Variants in PTPRT observed in about 807,000 individuals in gnomAD.
PTPRT encodes protein tyrosine phosphatase receptor type T.
A neutral mutation model predicts 176.8 loss-of-function variants in PTPRT; 56 were observed. That is an observed-to-expected ratio of 0.32 (90% CI 0.26 to 0.40). The LOEUF (loss-of-function observed/expected upper bound fraction) is 0.40, where lower values mean the gene tolerates loss of function less well. Ranked by LOEUF, PTPRT falls within the 10% of genes least tolerant of loss-of-function variation. PTPRT has a pLI of 1.00. For synonymous variants in PTPRT, 783 were observed against 739.0 expected (o/e 1.06, Z -0.96); for missense variants, 1,540 against 1,908.2 (o/e 0.81, Z 3.60).
At chr20:42,803,998 G>C (rs929606638) in intron 2 of PTPRT, among the ~76,000 whole-genome samples, 3 of 152,114 alleles carry the variant, frequency 2.0e-5, no homozygotes, top group African/African-American at 4.8e-5. Context: ...TAGTTGCCCT[G>C]GTGTGCCAGG....
At chr20:42,190,135 AT>A (rs11478046) in intron 16 of PTPRT, among the ~76,000 whole-genome samples, 32,943 of 152,140 alleles carry the variant, frequency 0.22, 4,061 homozygotes, top group African/African-American at 0.31. Flanking sequence ...GTAACATTCA[AT>A]TCTTCTCCCA....
intron 9 of PTPRT, among the ~76,000 whole-genome samples, chr20:42,410,361 A>G (rs1295993310): frequency 2.0e-5 from 3 of 152,180 alleles, no homozygotes; most frequent in Non-Finnish European, 4.4e-5. Flanking sequence ...TAGAAATATA[A>G]AAATATGTAC....
At chr20:42,648,820 G>GTTTTTTTTTTTGTTTTTTTTTTTTTT (rs746084382) in intron 7 of PTPRT, among the ~76,000 whole-genome samples, 3 of 111,830 alleles carry the variant, frequency 2.7e-5, no homozygotes, top group African/African-American at 1.1e-4. Context: ...TGGTGTCGTT[G>GTTTTTTTTTTTGTTTTTTTTTTTTTT]TTTTTTTTTT....
chr20:42,986,638 C>A (rs975813759), intron 1 of PTPRT, among the ~76,000 whole-genome samples: 1 of 152,108 alleles, frequency 6.6e-6, no homozygotes, highest in Admixed American at 6.5e-5. Context: ...ACAAAGAAAG[C>A]GACAGTAGAT....
chr20:42,916,325 T>C (rs1233700060), intron 1 of PTPRT, among the ~76,000 whole-genome samples: 3 of 152,172 alleles, frequency 2.0e-5, no homozygotes, highest in Non-Finnish European at 4.4e-5. Flanking sequence ...TAGTATTCCA[T>C]GGTGTATATG....
At chr20:42,966,519 T>TTTG (rs1982302975) in intron 1 of PTPRT, 1 of 152,162 alleles carries the variant, frequency 6.6e-6, no homozygotes, top group African/African-American at 2.4e-5. Flanking sequence ...AGCAGGCCTG[T>TTTG]GTCTGTTTGG....
chr20:42,285,696 G>A (rs1878922250), intron 12 of PTPRT, among the ~76,000 whole-genome samples: 1 of 151,596 alleles, frequency 6.6e-6, no homozygotes, highest in South Asian at 2.1e-4. Context: ...GAGCAACTGG[G>A]CAAGAGAAAA....
intron 1 of PTPRT, among the ~76,000 whole-genome samples, chr20:43,008,027 G>C (rs1414911017): frequency 5.3e-5 from 8 of 152,202 alleles, no homozygotes. Flanking sequence ...TCCTGAGGCA[G>C]AATGCTGCAG....
intron 7 of PTPRT, among the ~76,000 whole-genome samples, chr20:42,513,368 G>GA (rs2071996545): frequency 6.6e-6 from 1 of 151,872 alleles, no homozygotes; most frequent in South Asian, 2.1e-4. Flanking sequence ...TTATTCTGTT[G>GA]AAAAAATTCT....
chr20:42,711,561 C>T (rs61397458), intron 6 of PTPRT, among the ~76,000 whole-genome samples: 1 of 152,146 alleles, frequency 6.6e-6, no homozygotes, highest in Non-Finnish European at 1.5e-5. Flanking sequence ...GAAGCAAATG[C>T]TGGCACTATG....
chr20:42,333,523 G>A (rs2057997056), intron 11 of PTPRT, among the ~76,000 whole-genome samples: 1 of 152,096 alleles, frequency 6.6e-6, no homozygotes, highest in African/African-American at 2.4e-5. Context: ...TAGTGGAGAC[G>A]GGGTTTCACC....
intron 12 of PTPRT, among the ~76,000 whole-genome samples, chr20:42,308,594 G>A (rs2057580992): frequency 1.3e-5 from 2 of 152,164 alleles, no homozygotes; most frequent in African/African-American, 2.4e-5. Context: ...AATGCGATAA[G>A]ATACTTTAAT....
chr20:42,140,238 CT>C (rs894268918), intron 18 of PTPRT, among the ~76,000 whole-genome samples: 1 of 145,954 alleles, frequency 6.9e-6, no homozygotes, highest in Non-Finnish European at 1.5e-5. Context: ...TTTTTTTTTT[CT>C]TTTGGATGAA....
At chr20:42,868,543 A>C (rs1478140895) in intron 2 of PTPRT, among the ~76,000 whole-genome samples, 1 of 152,192 alleles carries the variant, frequency 6.6e-6, no homozygotes, top group Non-Finnish European at 1.5e-5. Context: ...TTAAAGATGA[A>C]TTTATAAGTA....
chr20:42,949,148 C>T (rs1460788890), intron 1 of PTPRT, among the ~76,000 whole-genome samples: 1 of 152,200 alleles, frequency 6.6e-6, no homozygotes, highest in African/African-American at 2.4e-5. Flanking sequence ...AGATGTCTGC[C>T]ATCAATTCTT....
rs182920864 is a variant in PTPRT at position 42,075,429 on chromosome 20, A to G, written c.*5450T>C. On this transcript the variant is annotated 3_prime_UTR_variant, in exon 31 of 31. Transcript: ENST00000373187. ...ATGACTTAGGAACAGCGTCCTGTTC[A>G]TGCTTCCTCTTGGGCTCACCCATGT... is the stretch of plus-strand genomic sequence containing the variant. 1.5e-3 allele frequency: 338 copies of G among 226,796 alleles called. 1 individual carries two copies. The highest frequency in any genetic ancestry group is 7.2e-3 in the African/African-American group (323 of 45,048). The allele number at this position is 226,796 out of a possible 1,614,324, so 14.0% of individuals were successfully genotyped here.
chr20:42,679,082 T>G (rs1166375857), intron 6 of PTPRT, among the ~76,000 whole-genome samples: 2 of 152,190 alleles, frequency 1.3e-5, no homozygotes, highest in South Asian at 4.1e-4. Context: ...GTGCATCTAC[T>G]CTGTGCTGCC....
intron 29 of PTPRT, 66 bp from the exon 30 acceptor site, chr20:42,082,083 G>T: frequency 6.2e-7 from 1 of 1,607,500 alleles, no homozygotes; most frequent in Non-Finnish European, 8.5e-7. Context: ...TGATTCTAAA[G>T]CTACATCAGT....
intron 7 of PTPRT, among the ~76,000 whole-genome samples, chr20:42,507,512 T>C (rs1218136806): frequency 2.0e-5 from 3 of 152,136 alleles, no homozygotes; most frequent in East Asian, 3.9e-4. Flanking sequence ...ATCACGCCAA[T>C]GTATTTAGCA....
Sources: allele counts gnomAD v4.1 joint callset (sites outside exome capture counted in the v4.1 genomes callset), GRCh38; gene constraint gnomAD v4.1.1; transcripts MANE v1.5; gene names NCBI Gene and HGNC (gene_info 2026-07-23, HGNC 2026-07-21).